LINGO2: variants seen among roughly 807,000 people sequenced by gnomAD.
LINGO2 encodes leucine rich repeat and Ig domain containing 2, also known as leucine-rich repeat and immunoglobulin-like domain-containing nogo receptor-interacting protein 2.
In LINGO2, 14 loss-of-function variants were observed where a neutral mutation model predicts 30.6. The observed-to-expected ratio is 0.46, with a 90% CI of 0.30 to 0.72. The LOEUF is 0.72. Ranked by LOEUF, LINGO2 falls within the 30% of genes least tolerant of loss-of-function variation. The probability of loss-of-function intolerance (pLI) is 0.07; values close to 1 mark genes in which losing one functional copy is unlikely to be tolerated. For synonymous variants in LINGO2, 317 were observed against 288.5 expected (o/e 1.10, Z -1.00); for missense variants, 729 against 751.7 (o/e 0.97, Z 0.35).
chr9:28,608,608 A>G (rs1825788929), intron 1 of LINGO2, among the ~76,000 whole-genome samples: 2 of 151,898 alleles, frequency 1.3e-5, no homozygotes, highest in Admixed American at 1.3e-4. Context: ...CAAATTTTCA[A>G]TATCTTGGTG....
At chr9:28,879,232 T>C in the LINGO2 span, among the ~76,000 whole-genome samples, 3 of 150,964 alleles carry the variant, frequency 2.0e-5, no homozygotes, top group African/African-American at 4.9e-5. Flanking sequence ...TGAACTCCCA[T>C]TCACAATTGC....
intron 5 of LINGO2, among the ~76,000 whole-genome samples, chr9:28,006,309 AAAG>A (rs1286020057): frequency 3.3e-5 from 5 of 152,102 alleles, no homozygotes; most frequent in African/African-American, 9.7e-5. Context: ...TGAGGATTAA[AAAG>A]AAGAAATCCT....
intron 5 of LINGO2, among the ~76,000 whole-genome samples, chr9:27,999,468 G>A (rs1447869882): frequency 6.8e-6 from 1 of 147,720 alleles, no homozygotes; most frequent in African/African-American, 2.5e-5. Flanking sequence ...GAGAGAGAGA[G>A]AGAGTCTGTG....
the LINGO2 span, among the ~76,000 whole-genome samples, chr9:29,207,297 C>G: frequency 6.6e-6 from 1 of 152,014 alleles, no homozygotes; most frequent in Non-Finnish European, 1.5e-5. Flanking sequence ...TATCACAAGG[C>G]ACTGTTGTTG....
At chr9:28,454,149 A>G (rs944830185) in intron 2 of LINGO2, among the ~76,000 whole-genome samples, 4 of 152,044 alleles carry the variant, frequency 2.6e-5, no homozygotes, top group Non-Finnish European at 4.4e-5. Context: ...GAATGCACAA[A>G]TCCTGTTAAG....
the LINGO2 span, among the ~76,000 whole-genome samples, chr9:28,831,226 C>T: frequency 6.6e-6 from 1 of 152,166 alleles, no homozygotes; most frequent in Non-Finnish European, 1.5e-5. Context: ...CAATTTCCTA[C>T]TGAATACATA....
intron 3 of LINGO2, among the ~76,000 whole-genome samples, chr9:28,353,834 T>C (rs1410964052): frequency 4.6e-5 from 7 of 151,972 alleles, no homozygotes; most frequent in Non-Finnish European, 1.0e-4. Context: ...TAAAAAATGA[T>C]GAGTTCATGT....
At chr9:29,106,490 C>T in the LINGO2 span, among the ~76,000 whole-genome samples, 3 of 152,144 alleles carry the variant, frequency 2.0e-5, no homozygotes, top group East Asian at 5.8e-4. Flanking sequence ...TCTTATAAAT[C>T]GAAGGTGTTG....
intron 4 of LINGO2, among the ~76,000 whole-genome samples, chr9:28,049,190 T>G (rs1011047257): frequency 1.3e-5 from 2 of 150,826 alleles, no homozygotes; most frequent in Non-Finnish European, 2.9e-5. Context: ...CTGTGGCCCA[T>G]AGTCATCCCT....
At chr9:28,945,343 A>T in the LINGO2 span, among the ~76,000 whole-genome samples, 1 of 152,292 alleles carries the variant, frequency 6.6e-6, no homozygotes, top group Admixed American at 6.5e-5. Context: ...TATTAACTTG[A>T]CCATCATGTT....
intron 2 of LINGO2, among the ~76,000 whole-genome samples, chr9:28,378,914 C>G (rs1821232697): frequency 6.6e-6 from 1 of 151,980 alleles, no homozygotes; most frequent in Non-Finnish European, 1.5e-5. Context: ...CCCAGATTTC[C>G]TATAGCTGAG....
the LINGO2 span, among the ~76,000 whole-genome samples, chr9:28,820,608 C>A: frequency 6.6e-6 from 1 of 152,074 alleles, no homozygotes; most frequent in Non-Finnish European, 1.5e-5. Context: ...ACTTTAAAAA[C>A]AATTTGCAAA....
the LINGO2 span, among the ~76,000 whole-genome samples, chr9:29,063,818 A>T: frequency 1.3e-5 from 2 of 152,110 alleles, no homozygotes; most frequent in African/African-American, 4.8e-5. Context: ...ATATGTTTTT[A>T]AAAATATCTA....
intron 4 of LINGO2, among the ~76,000 whole-genome samples, chr9:28,078,072 T>C (rs1425854766): frequency 2.0e-5 from 3 of 149,594 alleles, no homozygotes; most frequent in East Asian, 3.9e-4. Context: ...AAATAATGGC[T>C]CTTGCCTTAA....
At chr9:29,104,670 C>T in the LINGO2 span, among the ~76,000 whole-genome samples, 1 of 152,100 alleles carries the variant, frequency 6.6e-6, no homozygotes, top group African/African-American at 2.4e-5. Flanking sequence ...CTTTTAAAAT[C>T]ACTTATCTTG....
chr9:29,067,307 A>G, the LINGO2 span, among the ~76,000 whole-genome samples: 3 of 151,760 alleles, frequency 2.0e-5, no homozygotes, highest in Non-Finnish European at 3.0e-5. Flanking sequence ...AACCGTAGTG[A>G]TACACTGCAA....
intron 3 of LINGO2, among the ~76,000 whole-genome samples, chr9:28,368,479 T>C (rs1406855953): frequency 6.6e-6 from 1 of 152,150 alleles, no homozygotes; most frequent in Non-Finnish European, 1.5e-5. Flanking sequence ...GAGAGATGTA[T>C]TAAGGGTCTC....
chr9:28,928,788 T>A, the LINGO2 span, among the ~76,000 whole-genome samples: 2 of 152,172 alleles, frequency 1.3e-5, no homozygotes, highest in African/African-American at 4.8e-5. Flanking sequence ...ATTCCCTCAC[T>A]AGATGAGGAA....
At chr9:28,089,277 A>G (rs1379735428) in intron 4 of LINGO2, among the ~76,000 whole-genome samples, 1 of 152,180 alleles carries the variant, frequency 6.6e-6, no homozygotes, top group Non-Finnish European at 1.5e-5. Flanking sequence ...TCTCAGCACC[A>G]CATCACACTT....
Sources: gnomAD v4.1 joint callset for allele counts (sites outside exome capture counted in the v4.1 genomes callset) on GRCh38, gnomAD v4.1.1 for gene constraint, MANE v1.5 for transcripts, NCBI Gene and HGNC (gene_info 2026-07-23, HGNC 2026-07-21) for gene names.